PDE4D: variants seen among roughly 807,000 people sequenced by gnomAD.
The protein encoded by PDE4D is 3',5'-cyclic-AMP phosphodiesterase 4D.
A neutral mutation model predicts 87.4 loss-of-function variants in PDE4D; 24 were observed. That is an observed-to-expected ratio of 0.27 (90% CI 0.20 to 0.39). PDE4D has a LOEUF of 0.39. PDE4D is among the 10% of genes least tolerant of loss of function. PDE4D has a pLI of 1.00. For missense variants in PDE4D, 714 were observed against 1,041.0 expected (o/e 0.69, Z 4.32); for synonymous variants, 384 against 383.2 (o/e 1.00, Z -0.02).
intron 1 of PDE4D, among the ~76,000 whole-genome samples, chr5:59,594,336 AT>A (rs979598823): frequency 7.1e-6 from 1 of 141,660 alleles, no homozygotes; most frequent in Non-Finnish European, 1.5e-5. Context: ...TTATTTATTT[AT>A]TTGGCAGAGT....
rs1221878559 is a variant in PDE4D, at chr5:59,893,271, A to G, written c.352T>C (p.Cys118Arg). ...TAGGAGGTGCGGTCCATGGCGCGAC[A>G]GTACAGGTAGCGCTCGGTGTCCGAG... ...GYSDTERYLY[C>R]RAMDRTSYAV... Residue 118 changes from cysteine (C) to arginine (R), a missense_variant, in exon 1 of 15, where the codon TGT (cysteine) becomes CGT (arginine). Physicochemically the swap from Cys to Arg is radical, Grantham distance 180 (BLOSUM62 -3). This residue lies in a region of PDE4D where 268 missense variants were observed against 272.9 expected (regional missense o/e 0.98). Transcript: ENST00000340635. 6.5e-7 allele frequency: 1 copy of G among 1,549,812 alleles called. No individual in the cohort carries two copies. The highest frequency in any genetic ancestry group is 8.7e-7 in the Non-Finnish European group (1 of 1,146,496).
At chr5:59,441,964 A>G (rs1797686559) in intron 1 of PDE4D, among the ~76,000 whole-genome samples, 1 of 152,210 alleles carries the variant, frequency 6.6e-6, no homozygotes, top group Non-Finnish European at 1.5e-5. Flanking sequence ...ACTTAATAGT[A>G]TTTTTATCCA....
intron 1 of PDE4D, among the ~76,000 whole-genome samples, chr5:60,444,997 T>C (rs1309101238): frequency 6.6e-6 from 1 of 151,888 alleles, no homozygotes; most frequent in Non-Finnish European, 1.5e-5. Context: ...AAAATCTTGT[T>C]ATAGGCAAAG....
chr5:58,972,511 A>T lies in PDE4D; in HGVS notation c.*2153T>A, dbSNP rs552578840. 1.3e-5 allele frequency: 2 copies of T among 152,404 alleles called. No individual in the cohort carries two copies. The highest frequency in any genetic ancestry group is 4.1e-4 in the South Asian group (2 of 4,826). 9.4% of individuals were successfully genotyped at this position (152,404 alleles called of 1,614,324 possible). ...TCAGCATGAGTCATTTGCCTGGCTGATGACTTACTTTCCAGTCCCCAGGAG... is the reference window on the plus strand; with the variant it reads ...TCAGCATGAGTCATTTGCCTGGCTGTTGACTTACTTTCCAGTCCCCAGGAG... On this transcript the variant is annotated 3_prime_UTR_variant, in exon 15 of 15. Transcript: ENST00000340635.
chr5:59,137,354 AC>A (rs1039443133), intron 5 of PDE4D, among the ~76,000 whole-genome samples: 10 of 152,188 alleles, frequency 6.6e-5, no homozygotes, highest in Non-Finnish European at 1.5e-5. Flanking sequence ...GGATATAGGA[AC>A]AAAAGTTATT....
intron 1 of PDE4D, among the ~76,000 whole-genome samples, chr5:59,220,377 CAA>C (rs57610513): frequency 0.04 from 1,444 of 35,760 alleles, 4 homozygotes; most frequent in African/African-American, 0.09. Context: ...GACTCTGTCT[CAA>C]AAAAAAAAAA....
At chr5:60,099,596 C>T (rs1346288618) in intron 2 of PDE4D, among the ~76,000 whole-genome samples, 3 of 151,496 alleles carry the variant, frequency 2.0e-5, no homozygotes, top group South Asian at 4.2e-4. Flanking sequence ...AAAGGAAATA[C>T]GGTTTACCGA....
intron 1 of PDE4D, among the ~76,000 whole-genome samples, chr5:59,581,946 T>C (rs1024881109): frequency 6.6e-6 from 1 of 152,152 alleles, no homozygotes; most frequent in Non-Finnish European, 1.5e-5. Flanking sequence ...ACTTTAACAT[T>C]GAGCCCTAGG....
intron 1 of PDE4D, among the ~76,000 whole-genome samples, chr5:59,817,999 G>T (rs1769190170): frequency 6.6e-6 from 1 of 152,286 alleles, no homozygotes; most frequent in East Asian, 1.9e-4. Flanking sequence ...ATAAAGGGGT[G>T]GAGAGAGATC....
intron 1 of PDE4D, among the ~76,000 whole-genome samples, chr5:59,278,887 C>T (rs1326659890): frequency 1.3e-5 from 2 of 152,078 alleles, no homozygotes; most frequent in African/African-American, 2.4e-5. Flanking sequence ...AGATTGTGCG[C>T]ACCTAAAATG....
At chr5:59,030,124 G>C (rs1174980595) in intron 6 of PDE4D, among the ~76,000 whole-genome samples, 2 of 151,874 alleles carry the variant, frequency 1.3e-5, no homozygotes, top group Non-Finnish European at 2.9e-5. Flanking sequence ...CAATGGTCTG[G>C]GCAATGATTT....
At chr5:59,186,093 T>A (rs111671644) in intron 3 of PDE4D, among the ~76,000 whole-genome samples, 3,918 of 152,266 alleles carry the variant, frequency 0.026, 186 homozygotes, top group African/African-American at 0.089. Context: ...AATGGGCAAG[T>A]TTCCCCAGGG....
intron 5 of PDE4D, among the ~76,000 whole-genome samples, chr5:59,109,552 A>G (rs1300073069): frequency 6.6e-6 from 1 of 152,164 alleles, no homozygotes; most frequent in East Asian, 1.9e-4. Flanking sequence ...GTCGCTGAAT[A>G]AGCCAAGTGG....
At chr5:59,846,808 C>A (rs1743925572) in intron 1 of PDE4D, among the ~76,000 whole-genome samples, 1 of 152,008 alleles carries the variant, frequency 6.6e-6, no homozygotes. Context: ...ATTTAATGTG[C>A]AGCATTCTTG....
intron 1 of PDE4D, among the ~76,000 whole-genome samples, chr5:60,322,222 C>A (rs1163953028): frequency 6.6e-6 from 1 of 151,980 alleles, no homozygotes; most frequent in Admixed American, 6.6e-5. Context: ...TACTATGCAG[C>A]CATAAAAAAT....
intron 1 of PDE4D, among the ~76,000 whole-genome samples, chr5:60,268,077 A>G (rs1750410489): frequency 6.6e-6 from 1 of 152,198 alleles, no homozygotes; most frequent in African/African-American, 2.4e-5. Flanking sequence ...CACCAGGTAG[A>G]GAGAACCGCT....
intron 1 of PDE4D, among the ~76,000 whole-genome samples, chr5:60,191,441 T>G (rs1436809726): frequency 6.6e-6 from 1 of 152,136 alleles, no homozygotes; most frequent in East Asian, 1.9e-4. Context: ...TTTATAAGTA[T>G]TTGGTAGTTC....
At chr5:59,739,670 C>T (rs1292353500) in intron 1 of PDE4D, among the ~76,000 whole-genome samples, 2 of 152,178 alleles carry the variant, frequency 1.3e-5, no homozygotes, top group East Asian at 3.9e-4. Context: ...GCTACAAGCA[C>T]ACTGCTAACA....
intron 1 of PDE4D, among the ~76,000 whole-genome samples, chr5:59,608,758 A>G (rs1292148379): frequency 6.6e-6 from 1 of 152,152 alleles, no homozygotes; most frequent in Non-Finnish European, 1.5e-5. Flanking sequence ...ATCTTTGTAG[A>G]GTCCCCCTCC....
Sources: allele counts gnomAD v4.1 joint callset (sites outside exome capture counted in the v4.1 genomes callset), GRCh38; gene constraint gnomAD v4.1.1; regional missense constraint gnomAD v4.1.1; transcripts MANE v1.5; gene names NCBI Gene and HGNC (gene_info 2026-07-23, HGNC 2026-07-21).